AFF4: variants seen among roughly 807,000 people sequenced by gnomAD.
AFF4 encodes ALF transcription elongation factor 4.
In AFF4, 13 loss-of-function variants were observed where a neutral mutation model predicts 124.8. The ratio of observed to expected loss-of-function variants is 0.10; its 90% confidence interval spans 0.07 to 0.17. The LOEUF (loss-of-function observed/expected upper bound fraction) is 0.17, where lower values mean the gene tolerates loss of function less well. Among genes scored for constraint, AFF4 ranks in the 10% least tolerant of loss-of-function variants. The pLI is 1.00. For missense variants in AFF4, 1,092 were observed against 1,403.8 expected (o/e 0.78, Z 3.55); for synonymous variants, 477 against 496.1 (o/e 0.96, Z 0.51).
intron 5 of AFF4, among the ~76,000 whole-genome samples, chr5:132,912,026 A>C (rs1453081795): frequency 1.3e-5 from 2 of 151,992 alleles, no homozygotes; most frequent in Non-Finnish European, 2.9e-5. Context: ...TTTTCAAAGT[A>C]CTAAAAGAAA....
intron 5 of AFF4, among the ~76,000 whole-genome samples, chr5:132,910,634 TAAG>T (rs1308326236): frequency 1.3e-5 from 2 of 151,974 alleles, no homozygotes; most frequent in African/African-American, 2.4e-5. Flanking sequence ...AAGCTATCGG[TAAG>T]AAGCAACCCA....
At chr5:132,949,711 C>CGT in intron 1 of AFF4, among the ~76,000 whole-genome samples, 1 of 151,530 alleles carries the variant, frequency 6.6e-6, no homozygotes, top group South Asian at 2.1e-4. Context: ...CGCGCGCGCG[C>CGT]GCGCGCCAGG....
At chr5:132,917,230 A>G (rs776558083) in intron 5 of AFF4, among the ~76,000 whole-genome samples, 2 of 149,136 alleles carry the variant, frequency 1.3e-5, no homozygotes, top group Non-Finnish European at 3.0e-5. Flanking sequence ...AATTTAACCA[A>G]TGTTATTCAC....
intron 5 of AFF4, among the ~76,000 whole-genome samples, chr5:132,906,708 G>A (rs144254433): frequency 2.1e-3 from 325 of 152,244 alleles, no homozygotes; most frequent in Non-Finnish European, 3.4e-3. Flanking sequence ...CTTGAAGTAG[G>A]TGAATTACAT....
intron 1 of AFF4, among the ~76,000 whole-genome samples, chr5:132,961,623 C>A (rs1360716215): frequency 6.6e-6 from 1 of 152,150 alleles, no homozygotes; most frequent in Non-Finnish European, 1.5e-5. Context: ...GAAAGTGACT[C>A]AGAACAAAAA....
At chr5:132,895,064 G>T (rs1021883390) in intron 11 of AFF4, among the ~76,000 whole-genome samples, 9 of 152,186 alleles carry the variant, frequency 5.9e-5, no homozygotes, top group Non-Finnish European at 1.3e-4. Context: ...AAAGAGCAGA[G>T]TCTATCATAC....
At position 132,963,280 on chromosome 5, in the gene AFF4, G is replaced by A. The variant is rs1021310311; in HGVS notation, c.-26C>T. The A allele has an allele frequency of 2.5e-6, 1 of 395,024 alleles. No individual in the cohort carries two copies. Among genetic ancestry groups the A allele is most frequent in the Non-Finnish European group, 4.5e-6 (1 of 224,018 alleles). 24.5% of individuals were successfully genotyped at this position (395,024 alleles called of 1,614,324 possible). On this transcript the variant is annotated 5_prime_UTR_variant, in exon 1 of 21. Coordinates refer to ENST00000265343, the MANE Select transcript of AFF4 (RefSeq NM_014423.4). ...TTACCTCCAGTCCCGGCTCCGCTAG[G>A]CCCGAACCATCTCCTGGCTGCGGCA...
chr5:132,893,763 C>A (rs1760320999), intron 11 of AFF4, among the ~76,000 whole-genome samples: 1 of 152,188 alleles, frequency 6.6e-6, no homozygotes, highest in African/African-American at 2.4e-5. Flanking sequence ...CAGGTGTGAG[C>A]CACTGCACCC....
chr5:132,952,419 TTA>T (rs1422361466), intron 1 of AFF4, among the ~76,000 whole-genome samples: 3 of 152,224 alleles, frequency 2.0e-5, no homozygotes, highest in Non-Finnish European at 4.4e-5. Context: ...ATTCAGCCAC[TTA>T]TCTCTCCTTG....
chr5:132,929,841 A>T (rs73788232), intron 4 of AFF4, among the ~76,000 whole-genome samples: 1 of 152,222 alleles, frequency 6.6e-6, no homozygotes, highest in African/African-American at 2.4e-5. Context: ...AGAATCAGGT[A>T]GCAATGCAAA....
At chr5:132,931,712 C>T (rs1161617229) in intron 4 of AFF4, among the ~76,000 whole-genome samples, 2 of 152,186 alleles carry the variant, frequency 1.3e-5, no homozygotes, top group Admixed American at 1.3e-4. Flanking sequence ...TCCCAGCACT[C>T]TGGGAGGCCG....
intron 17 of AFF4, among the ~76,000 whole-genome samples, chr5:132,886,849 T>C (rs1760131457): frequency 6.6e-6 from 1 of 152,220 alleles, no homozygotes; most frequent in Non-Finnish European, 1.5e-5. Context: ...TCGCTGGTCT[T>C]CTTTTAGTTC....
Position 132,907,072 on chromosome 5 carries a change from T to G in AFF4, c.1051-2668A>C, listed in dbSNP as rs142068629. ...AATAATCTGATTTATTTGTCTTATATCTGACAATAGTCAGCAGGTCCACAA... is the reference window on the plus strand; with the variant it reads ...AATAATCTGATTTATTTGTCTTATAGCTGACAATAGTCAGCAGGTCCACAA... On this transcript the variant is annotated intron_variant, in intron 5 of 20. Coordinates refer to ENST00000265343, the MANE Select transcript of AFF4 (RefSeq NM_014423.4). Among the ~76,000 whole-genome samples, 896 of 152,328 alleles carry G rather than the reference T, an allele frequency of 5.9e-3. 3 individuals carry two copies. Among genetic ancestry groups the G allele is most frequent in the Middle Eastern group, 0.024 (7 of 294 alleles).
In AFF4 at chr5:132,880,094, A is replaced by AATC. The variant is rs1759936452; in HGVS notation, c.*962_*964dup. 1 of 397,180 alleles carries AATC rather than the reference A, an allele frequency of 2.5e-6. No individual in the cohort carries two copies. The highest frequency in any genetic ancestry group is 2.1e-5 in the African/African-American group (1 of 48,590). The allele number at this position is 397,180 out of a possible 1,614,324, so 24.6% of individuals were successfully genotyped here. ...AAAAATAACTCTAACTATCAAAGAT[A>AATC]ATCAATTAAAGACACACAGGCGGCA... On this transcript the variant is annotated 3_prime_UTR_variant, in exon 21 of 21. Coordinates refer to ENST00000265343, the MANE Select transcript of AFF4 (RefSeq NM_014423.4).
intron 11 of AFF4, among the ~76,000 whole-genome samples, chr5:132,893,354 T>A (rs1369616622): frequency 1.3e-5 from 2 of 152,218 alleles, no homozygotes; most frequent in African/African-American, 4.8e-5. Context: ...TAAGATGGCA[T>A]CTTTTCAATG....
At chr5:132,918,875 G>A (rs957773187) in intron 5 of AFF4, among the ~76,000 whole-genome samples, 1 of 147,266 alleles carries the variant, frequency 6.8e-6, no homozygotes, top group African/African-American at 2.5e-5. Context: ...AATTGACAAG[G>A]TGTTGTTTGT....
chr5:132,934,041 CTTACTATTAAGGCAA>C, intron 3 of AFF4, 91 bp downstream of exon 3: 2 of 1,277,822 alleles, frequency 1.6e-6, no homozygotes, highest in South Asian at 3.1e-5. Context: ...TTTTACATTC[CTTACTATTAAGGCAA>C]GGAAGCAGTG....
At position 132,883,462 on chromosome 5, in the gene AFF4, G is replaced by C. The variant is rs772721392; in HGVS notation, c.3242C>G (p.Ser1081Cys). ...SGASSASASGSSVTIPQKIHQ... is the reference protein window; with the variant it reads ...SGASSASASGCSVTIPQKIHQ... Reference sequence around the variant, plus strand: ...GATCTTCTGTGGAATGGTCACTGAAGAACCACTTGCAGAAGCACTACTGGC... The same window carrying C: ...GATCTTCTGTGGAATGGTCACTGAACAACCACTTGCAGAAGCACTACTGGC... Residue 1081 changes from serine to cysteine, a missense_variant, in exon 20 of 21, where the codon TCT becomes TGT. Transcript: ENST00000265343. 24 of 1,613,934 alleles carry C rather than the reference G, an allele frequency of 1.5e-5. No individual in the cohort carries two copies. The highest frequency in any genetic ancestry group is 2.0e-5 in the Non-Finnish European group (24 of 1,180,026).
At chr5:132,926,193 T>G (rs1347510099) in intron 5 of AFF4, 1 of 472,982 alleles carries the variant, frequency 2.1e-6, no homozygotes, top group African/African-American at 2.0e-5. Flanking sequence ...ATTACATGAA[T>G]ATAAAAAAGA....
Sources: gnomAD v4.1 joint callset for allele counts (sites outside exome capture counted in the v4.1 genomes callset) on GRCh38, gnomAD v4.1.1 for gene constraint, MANE v1.5 for transcripts, NCBI Gene and HGNC (gene_info 2026-07-23, HGNC 2026-07-21) for gene names.